The following RXFP1 variants were observed in gnomAD, a reference collection of about 807,000 sequenced individuals.
The protein encoded by RXFP1 is relaxin receptor 1.
Under a neutral mutation model 89.8 loss-of-function variants are expected in RXFP1, and 73 were observed. The ratio of observed to expected loss-of-function variants is 0.81; its 90% CI spans 0.67 to 0.99. RXFP1 has a LOEUF of 0.99. Ranked by LOEUF, RXFP1 falls within the 50% of genes least tolerant of loss-of-function variation. RXFP1 has a pLI of 0.00. For synonymous variants in RXFP1, 277 were observed against 305.5 expected, an observed-to-expected ratio of 0.91 and a Z score of 0.97; for missense variants, 793 against 895.5, an observed-to-expected ratio of 0.89 and a Z score of 1.46.
chr4:158,612,389 T>C (rs755212840), intron 8 of RXFP1, 27 bp downstream of exon 8: 6 of 1,464,452 alleles, frequency 4.1e-6, no homozygotes, highest in Non-Finnish European at 5.7e-6. Context: ...AGCAAATATT[T>C]CAATCAAAGG....
chr4:158,647,091 A>C lies in RXFP1; in HGVS notation c.1646A>C (p.Asn549Thr). Residue 549 changes from asparagine to threonine, a missense_variant, in exon 16 of 18, where the codon AAT (asparagine) becomes ACT (threonine). Asn to Thr is a moderately conservative substitution (Grantham distance 65). Transcript: ENST00000307765. The part of the protein sequence containing the change: ...GFIVAFIPLS[N>T]KEFFKNYYGT... The stretch of plus-strand genomic sequence containing the variant: ...ATAGTGGCTTTCATTCCATTGAGCA[A>C]TAAGGAATTTTTCAAAAACTACTAT... The C allele has an allele frequency of 6.2e-7, 1 of 1,614,102 alleles. No homozygotes were observed.
chr4:158,633,968 G>T (rs1046017063), intron 12 of RXFP1, among the ~76,000 whole-genome samples: 3 of 152,080 alleles, frequency 2.0e-5, no homozygotes, highest in Non-Finnish European at 2.9e-5. Flanking sequence ...GCCTATTGTG[G>T]ATAATGTTGC....
chr4:158,633,742 A>G (rs540256193), intron 12 of RXFP1, among the ~76,000 whole-genome samples: 44 of 152,276 alleles, frequency 2.9e-4, no homozygotes, highest in Middle Eastern at 3.4e-3. Context: ...GTCTGTGTGA[A>G]TTTGACTACT....
intron 10 of RXFP1, among the ~76,000 whole-genome samples, 184 bp downstream of exon 10, chr4:158,627,075 G>C (rs1767000916): frequency 6.6e-6 from 1 of 151,258 alleles, no homozygotes; most frequent in South Asian, 2.1e-4. Context: ...AATTATTATG[G>C]TATAAATTAA....
intron 8 of RXFP1, among the ~76,000 whole-genome samples, chr4:158,614,341 A>G (rs777048279): frequency 2.0e-5 from 3 of 152,200 alleles, no homozygotes; most frequent in Non-Finnish European, 4.4e-5. Flanking sequence ...TAGCTATGAA[A>G]GTCTTGTATG....
chr4:158,575,994 G>A (rs527452541), intron 2 of RXFP1, among the ~76,000 whole-genome samples: 1 of 152,072 alleles, frequency 6.6e-6, no homozygotes, highest in African/African-American at 2.4e-5. Context: ...AGTCATCTGT[G>A]GATCAGCTAT....
intron 1 of RXFP1, among the ~76,000 whole-genome samples, chr4:158,549,036 T>G (rs1749334073): frequency 6.6e-6 from 1 of 151,364 alleles, no homozygotes; most frequent in Non-Finnish European, 1.5e-5. Flanking sequence ...GATAATATCC[T>G]GCAGAGTGTT....
At chr4:158,618,822 A>C (rs73860546) in intron 9 of RXFP1, among the ~76,000 whole-genome samples, 286 of 152,280 alleles carry the variant, frequency 1.9e-3, no homozygotes, top group African/African-American at 6.4e-3. Context: ...GCAATGAGAA[A>C]CTGTAAATGC....
At chr4:158,621,009 G>GC (rs1765526451) in intron 9 of RXFP1, among the ~76,000 whole-genome samples, 1 of 152,034 alleles carries the variant, frequency 6.6e-6, no homozygotes, top group African/African-American at 2.4e-5. Flanking sequence ...GTGGTGGTGG[G>GC]CACTTGTAAT....
chr4:158,549,334 T>G (rs1749455014), intron 1 of RXFP1, among the ~76,000 whole-genome samples: 1 of 152,248 alleles, frequency 6.6e-6, no homozygotes, highest in Non-Finnish European at 1.5e-5. Flanking sequence ...GTGTTGGTTA[T>G]TCTAGTTATC....
chr4:158,585,543 T>A (rs1271422597), intron 2 of RXFP1, among the ~76,000 whole-genome samples: 1 of 152,148 alleles, frequency 6.6e-6, no homozygotes, highest in Admixed American at 6.5e-5. Context: ...AAAACTAAAT[T>A]ATAACTAATA....
chr4:158,611,822 T>C (rs1763636394), intron 6 of RXFP1, among the ~76,000 whole-genome samples: 1 of 152,148 alleles, frequency 6.6e-6, no homozygotes, highest in Admixed American at 6.5e-5. Context: ...TGCTGTGGCC[T>C]CTCCAGACTC....
rs1227424481 is a variant in RXFP1, at chr4:158,581,968, G to C, written c.187+9133G>C. Reference sequence around the variant, plus strand: ...GATTACATAGCGAGAGAGGAAGCAAGAGAGAGGAGGGGAGGTACCAGGCTC... The same window carrying C: ...GATTACATAGCGAGAGAGGAAGCAACAGAGAGGAGGGGAGGTACCAGGCTC... On this transcript the variant is annotated intron_variant, in intron 2 of 17. Coordinates refer to ENST00000307765, the MANE Select transcript of RXFP1 (RefSeq NM_021634.4). 2.6e-5 allele frequency among the ~76,000 whole-genome samples: 4 copies of C among 152,198 alleles called. No individual in the cohort carries two copies. In the East Asian group the frequency reaches 7.7e-4, roughly 29 times the overall value.
At chr4:158,637,851 T>C (rs980798406) in intron 12 of RXFP1, among the ~76,000 whole-genome samples, 157 bp from the exon 13 acceptor site, 4 of 152,216 alleles carry the variant, frequency 2.6e-5, no homozygotes, top group Non-Finnish European at 5.9e-5. Context: ...TTTCTTCTAG[T>C]CGTTTTATAA....
At chr4:158,546,250 TTGTC>T (rs1748362169) in intron 1 of RXFP1, among the ~76,000 whole-genome samples, 1 of 152,194 alleles carries the variant, frequency 6.6e-6, no homozygotes, top group African/African-American at 2.4e-5. Flanking sequence ...GGCTCTCTGT[TTGTC>T]TGTTATTGGT....
At chr4:158,582,304 G>A (rs1173680453) in intron 2 of RXFP1, among the ~76,000 whole-genome samples, 1 of 152,162 alleles carries the variant, frequency 6.6e-6, no homozygotes. Context: ...AGTGGTAGAA[G>A]TCTAAACCAA....
chr4:158,581,849 A>G (rs983778140), intron 2 of RXFP1, among the ~76,000 whole-genome samples: 1 of 152,226 alleles, frequency 6.6e-6, no homozygotes, highest in East Asian at 1.9e-4. Flanking sequence ...CAGACTTTCC[A>G]AAAAGCAGGG....
At chr4:158,547,996 G>T (rs7694839) in intron 1 of RXFP1, among the ~76,000 whole-genome samples, 2 of 152,108 alleles carry the variant, frequency 1.3e-5, no homozygotes, top group Non-Finnish European at 2.9e-5. Context: ...TTCAATTCCT[G>T]GGTATCCTTG....
At chr4:158,648,297 C>T (rs1050225196) in intron 16 of RXFP1, among the ~76,000 whole-genome samples, 11 of 152,170 alleles carry the variant, frequency 7.2e-5, no homozygotes, top group African/African-American at 2.2e-4. Context: ...TTCACTACTT[C>T]CACAAAACCT....
Sources: allele counts gnomAD v4.1 joint callset (sites outside exome capture counted in the v4.1 genomes callset), GRCh38; gene constraint gnomAD v4.1.1; transcripts MANE v1.5; gene names NCBI Gene and HGNC (gene_info 2026-07-23, HGNC 2026-07-21).